PLPPR1: variants seen among roughly 807,000 people sequenced by gnomAD.
The protein encoded by PLPPR1 is phospholipid phosphatase related 1, also known as phospholipid phosphatase-related protein type 1.
PLPPR1 carries 10 observed loss-of-function variants against 33.1 expected under a neutral mutation model. That is an observed-to-expected ratio of 0.30 (90% confidence interval 0.19 to 0.51). The LOEUF (loss-of-function observed/expected upper bound fraction) is 0.51, where lower values mean the gene tolerates loss of function less well. Among genes scored for constraint, PLPPR1 ranks in the 20% least tolerant of loss-of-function variants. The probability of loss-of-function intolerance (pLI) is 0.97; values close to 1 mark genes in which losing one functional copy is unlikely to be tolerated. For synonymous variants in PLPPR1, 151 were observed against 151.0 expected (o/e 1.00, Z 0.00); for missense variants, 304 against 408.1 (o/e 0.74, Z 2.20).
intron 2 of PLPPR1, among the ~76,000 whole-genome samples, chr9:101,267,333 CA>C (rs1451620932): frequency 6.6e-6 from 1 of 152,198 alleles, no homozygotes; most frequent in Non-Finnish European, 1.5e-5. Flanking sequence ...CTCAATCTTT[CA>C]GGAAACATAT....
At chr9:101,087,035 T>G (rs1232956097) in intron 1 of PLPPR1, among the ~76,000 whole-genome samples, 1 of 151,944 alleles carries the variant, frequency 6.6e-6, no homozygotes, top group Non-Finnish European at 1.5e-5. Flanking sequence ...AAGATTTAGC[T>G]AGGCATGGTG....
chr9:101,050,796 T>A (rs1232586912), intron 1 of PLPPR1, among the ~76,000 whole-genome samples: 1 of 152,200 alleles, frequency 6.6e-6, no homozygotes, highest in Non-Finnish European at 1.5e-5. Context: ...ACTAGAACTC[T>A]TCTCACTTTG....
chr9:101,319,263 G>C (rs956400298), intron 7 of PLPPR1, among the ~76,000 whole-genome samples: 1 of 152,224 alleles, frequency 6.6e-6, no homozygotes, highest in African/African-American at 2.4e-5. Flanking sequence ...TGCAGCCTCC[G>C]CCTCCGGGGT....
intron 2 of PLPPR1, among the ~76,000 whole-genome samples, chr9:101,234,315 A>G (rs1444411386): frequency 7.9e-5 from 12 of 151,928 alleles, no homozygotes; most frequent in Non-Finnish European, 1.5e-4. Flanking sequence ...AATGTTGCAA[A>G]TAACTTCATA....
chr9:101,245,961 G>T (rs549850476), intron 2 of PLPPR1, among the ~76,000 whole-genome samples: 11 of 150,632 alleles, frequency 7.3e-5, no homozygotes, highest in Admixed American at 1.3e-4. Context: ...GACAAATAAG[G>T]TTGTATTTGG....
intron 5 of PLPPR1, among the ~76,000 whole-genome samples, chr9:101,310,630 A>G (rs920065175): frequency 3.7e-4 from 56 of 152,362 alleles, no homozygotes; most frequent in African/African-American, 1.1e-3. Flanking sequence ...TGGGTTTCTT[A>G]TACCCCAAAT....
chr9:101,181,293 T>C (rs1826106220), intron 1 of PLPPR1, among the ~76,000 whole-genome samples: 1 of 150,288 alleles, frequency 6.7e-6, no homozygotes, highest in East Asian at 1.9e-4. Context: ...ATGGCTATTA[T>C]AAAAAAGATG....
At chr9:101,057,824 A>G (rs1477346956) in intron 1 of PLPPR1, among the ~76,000 whole-genome samples, 1 of 152,196 alleles carries the variant, frequency 6.6e-6, no homozygotes, top group Admixed American at 6.6e-5. Flanking sequence ...GGTTGAGCCC[A>G]CATTGCATCT....
At chr9:101,087,288 C>T (rs1830690680) in intron 1 of PLPPR1, among the ~76,000 whole-genome samples, 1 of 152,116 alleles carries the variant, frequency 6.6e-6, no homozygotes, top group African/African-American at 2.4e-5. Flanking sequence ...TTTACTGACA[C>T]TCTCTTCATT....
intron 4 of PLPPR1, among the ~76,000 whole-genome samples, chr9:101,293,180 C>G (rs1268173373): frequency 6.6e-6 from 1 of 151,266 alleles, no homozygotes; most frequent in Non-Finnish European, 1.5e-5. Flanking sequence ...AGACTGTAAA[C>G]CAACAAAGAT....
chr9:101,168,209 C>T (rs990364544), intron 1 of PLPPR1, among the ~76,000 whole-genome samples: 3 of 152,100 alleles, frequency 2.0e-5, no homozygotes, highest in Admixed American at 6.6e-5. Flanking sequence ...CCTAATAAGT[C>T]TCCCTCTGCC....
At chr9:101,231,599 G>T (rs151234024) in intron 2 of PLPPR1, among the ~76,000 whole-genome samples, 3 of 151,786 alleles carry the variant, frequency 2.0e-5, no homozygotes, top group African/African-American at 7.3e-5. Flanking sequence ...TTTTTCTTTC[G>T]AATTTGTTTA....
At chr9:101,141,221 G>A (rs1831447606) in intron 1 of PLPPR1, among the ~76,000 whole-genome samples, 1 of 152,088 alleles carries the variant, frequency 6.6e-6, no homozygotes, top group African/African-American at 2.4e-5. Context: ...CTGGCAAAAG[G>A]GAAGATTCCA....
intron 1 of PLPPR1, among the ~76,000 whole-genome samples, chr9:101,048,918 A>C (rs1830185764): frequency 6.6e-6 from 1 of 152,250 alleles, no homozygotes; most frequent in Non-Finnish European, 1.5e-5. Flanking sequence ...TAGATAATAA[A>C]AAAAGAGCAA....
At chr9:101,171,030 C>T (rs1361925090) in intron 1 of PLPPR1, among the ~76,000 whole-genome samples, 1 of 152,114 alleles carries the variant, frequency 6.6e-6, no homozygotes, top group Non-Finnish European at 1.5e-5. Context: ...TAAGAGTGTT[C>T]TAGGCCAGGG....
intron 1 of PLPPR1, among the ~76,000 whole-genome samples, chr9:101,124,288 C>A (rs1381087740): frequency 1.3e-5 from 2 of 152,282 alleles, no homozygotes; most frequent in Non-Finnish European, 2.9e-5. Context: ...GAAGGTCCCT[C>A]TTCTGTAACT....
intron 3 of PLPPR1, among the ~76,000 whole-genome samples, chr9:101,280,926 A>G (rs1828286104): frequency 6.6e-6 from 1 of 152,140 alleles, no homozygotes; most frequent in African/African-American, 2.4e-5. Flanking sequence ...AGCTAGAGCA[A>G]TCAGACAAAA....
chr9:101,277,878 T>C (rs576160040), intron 3 of PLPPR1, among the ~76,000 whole-genome samples: 2 of 152,306 alleles, frequency 1.3e-5, no homozygotes, highest in East Asian at 3.9e-4. Flanking sequence ...ACATTCACTT[T>C]TTAATCCTCT....
At chr9:101,116,160 G>A (rs1389378497) in intron 1 of PLPPR1, among the ~76,000 whole-genome samples, 2 of 152,128 alleles carry the variant, frequency 1.3e-5, no homozygotes, top group Admixed American at 6.5e-5. Context: ...AAAAACATGC[G>A]GTTAAGAGTA....
Sources: gnomAD v4.1 joint callset for allele counts (sites outside exome capture counted in the v4.1 genomes callset) on GRCh38, gnomAD v4.1.1 for gene constraint, MANE v1.5 for transcripts, NCBI Gene and HGNC (gene_info 2026-07-23, HGNC 2026-07-21) for gene names.